SCAPER: variants seen among roughly 807,000 people sequenced by gnomAD.
SCAPER encodes S-phase cyclin A associated protein in the ER, also known as S phase cyclin A-associated protein in the endoplasmic reticulum.
A neutral mutation model predicts 182.2 loss-of-function variants in SCAPER; 98 were observed. That is an observed-to-expected ratio of 0.54 (90% CI 0.46 to 0.64). SCAPER has a LOEUF of 0.64. Ranked by LOEUF, SCAPER falls within the 30% of genes least tolerant of loss-of-function variation. The pLI, the probability that SCAPER is intolerant of heterozygous loss-of-function variation, is 0.00. For synonymous variants in SCAPER, 605 were observed against 564.6 expected (o/e 1.07, Z -1.01); for missense variants, 1,432 against 1,690.0 (o/e 0.85, Z 2.68).
At chr15:76,666,768 T>A (rs1331662143) in intron 20 of SCAPER, among the ~76,000 whole-genome samples, 2 of 152,176 alleles carry the variant, frequency 1.3e-5, no homozygotes, top group African/African-American at 4.8e-5. Context: ...TTTATTTGAT[T>A]AAGGAAAACA....
intron 21 of SCAPER, among the ~76,000 whole-genome samples, chr15:76,626,150 C>T (rs1175956447): frequency 1.3e-5 from 2 of 152,006 alleles, no homozygotes; most frequent in East Asian, 1.9e-4. Flanking sequence ...CGGTTGAATG[C>T]CAATATTCTT....
In SCAPER at chr15:76,381,522, G is replaced by C. The variant is rs376951870; in HGVS notation, c.3561C>G (p.Leu1187=). 76 of 1,613,204 alleles carry C rather than the reference G, an allele frequency of 4.7e-5. 1 individual carries two copies. The highest frequency in any genetic ancestry group is 6.4e-5 in the Non-Finnish European group (75 of 1,179,664). The part of the protein sequence containing the change: ...ATDLAGVLHM[L]YCVLFHGTIL... ...TGGTGCCATGGAAGAGGACACAGTA[G>C]AGCATATGAAGAACTCCAGCCAGGT... Residue 1187 remains leucine (L), a synonymous_variant, in exon 28 of 32, where the codon CTC becomes CTG. Coordinates refer to ENST00000563290, the MANE Select transcript of SCAPER (RefSeq NM_020843.4).
chr15:76,733,624 G>T (rs1449024724), intron 15 of SCAPER, among the ~76,000 whole-genome samples: 1 of 151,858 alleles, frequency 6.6e-6, no homozygotes, highest in Admixed American at 6.6e-5. Context: ...CGTGGTGGCA[G>T]GTGCCTGTAA....
intron 4 of SCAPER, among the ~76,000 whole-genome samples, chr15:76,847,012 A>AT (rs2070156168): frequency 6.6e-6 from 1 of 152,140 alleles, no homozygotes; most frequent in South Asian, 2.1e-4. Flanking sequence ...CTATTCAGCC[A>AT]TAAAAAAAAA....
intron 14 of SCAPER, among the ~76,000 whole-genome samples, chr15:76,754,906 T>TA (rs2062321613): frequency 1.3e-5 from 2 of 152,158 alleles, no homozygotes; most frequent in Admixed American, 1.3e-4. Context: ...GTGTACATCA[T>TA]AGAGTTATTG....
At chr15:76,535,044 G>A (rs1470455961) in intron 23 of SCAPER, among the ~76,000 whole-genome samples, 1 of 152,086 alleles carries the variant, frequency 6.6e-6, no homozygotes, top group Non-Finnish European at 1.5e-5. Context: ...CAAAACAAAT[G>A]TATACCTTAA....
chr15:76,413,813 A>C (rs950333289), intron 26 of SCAPER, among the ~76,000 whole-genome samples: 1 of 152,160 alleles, frequency 6.6e-6, no homozygotes, highest in Non-Finnish European at 1.5e-5. Flanking sequence ...ACCTGGGGGT[A>C]AGAAAAACTG....
chr15:76,682,271 C>CA (rs561953963), intron 20 of SCAPER, among the ~76,000 whole-genome samples: 2 of 142,810 alleles, frequency 1.4e-5, no homozygotes, highest in African/African-American at 5.1e-5. Context: ...CCTTCCCCCC[C>CA]CCACCCCACA....
intron 5 of SCAPER, among the ~76,000 whole-genome samples, chr15:76,828,648 G>T (rs912997275): frequency 6.6e-6 from 1 of 152,096 alleles, no homozygotes; most frequent in Non-Finnish European, 1.5e-5. Flanking sequence ...AAACACAACA[G>T]GGAATATGCA....
chr15:76,349,438 T>C (rs898102154), intron 31 of SCAPER: 1 of 149,310 alleles, frequency 6.7e-6, no homozygotes, highest in African/African-American at 2.5e-5. Flanking sequence ...GCCAGTGACA[T>C]AGGTAAAGTA....
chr15:76,643,702 A>C (rs1485032810), intron 21 of SCAPER, among the ~76,000 whole-genome samples: 1 of 152,152 alleles, frequency 6.6e-6, no homozygotes, highest in Non-Finnish European at 1.5e-5. Flanking sequence ...ACAAACAAAA[A>C]GTCATTCTTT....
rs144886614 is a variant in SCAPER at position 76,747,903 on chromosome 15, T to C, written c.1866+5905A>G. ...TTACCCAGCCTCAAGTATTCCTTTA[T>C]AGCAACACAAATGGGCTGAAACAGA... On this transcript the variant is annotated intron_variant, in intron 15 of 31. Transcript: ENST00000563290. Among the ~76,000 whole-genome samples the C allele has an allele frequency of 3.5e-3, 527 of 152,174 alleles. 3 individuals carry two copies. The highest frequency in any genetic ancestry group is 0.012 in the African/African-American group (509 of 41,502).
intron 18 of SCAPER, among the ~76,000 whole-genome samples, chr15:76,705,531 TA>T: frequency 6.7e-6 from 1 of 150,222 alleles, no homozygotes; most frequent in South Asian, 2.1e-4. Context: ...ACATGTACCC[TA>T]AAACTTAAAG....
chr15:76,692,188 T>C (rs2058398323), intron 20 of SCAPER, among the ~76,000 whole-genome samples: 3 of 152,204 alleles, frequency 2.0e-5, no homozygotes, highest in Admixed American at 2.0e-4. Flanking sequence ...AAATGTTCCT[T>C]ATACCTTAAG....
At chr15:76,441,966 A>G (rs933380439) in intron 25 of SCAPER, among the ~76,000 whole-genome samples, 6 of 152,152 alleles carry the variant, frequency 3.9e-5, no homozygotes, top group African/African-American at 1.4e-4. Flanking sequence ...TTCACTAAAA[A>G]AAATTCACCA....
chr15:76,406,637 C>T lies in SCAPER; in HGVS notation c.3312-1958G>A, dbSNP rs865933088. ...GTCTACACACACACACACACACACACACACACACACACTAGCAAACAAAAT... is the reference window on the plus strand; with the variant it reads ...GTCTACACACACACACACACACACATACACACACACACTAGCAAACAAAAT... On this transcript the variant is annotated intron_variant, in intron 26 of 31. Coordinates refer to ENST00000563290, the MANE Select transcript of SCAPER (RefSeq NM_020843.4). Among the ~76,000 whole-genome samples, 141 of 152,074 alleles carry T rather than the reference C, an allele frequency of 9.3e-4. 2 individuals carry two copies. Among genetic ancestry groups the T allele is most frequent in the African/African-American group, 3.3e-3 (138 of 41,498 alleles).
intron 24 of SCAPER, among the ~76,000 whole-genome samples, chr15:76,494,496 A>G (rs1485962181): frequency 1.3e-5 from 2 of 152,186 alleles, no homozygotes; most frequent in Non-Finnish European, 2.9e-5. Flanking sequence ...CGACTAAACA[A>G]TATTTCAGTC....
chr15:76,816,349 CCTAT>C lies in SCAPER; in HGVS notation c.394-11720_394-11717del, dbSNP rs1229851698. On this transcript the variant is annotated intron_variant, in intron 5 of 31. Transcript: ENST00000563290. ...TATAACCTCATTCTATAAGCTTTTT[CCTAT>C]CTAACATTTTTTTTCCTTTTTAACT... Among the ~76,000 whole-genome samples, 11 of 152,206 alleles carry C rather than the reference CCTAT, an allele frequency of 7.2e-5. No individual in the cohort carries two copies. The South Asian group carries it at 1.0e-3, about 14-fold the overall frequency.
intron 8 of SCAPER, among the ~76,000 whole-genome samples, chr15:76,791,936 T>G (rs967246172): frequency 4.0e-5 from 6 of 148,870 alleles, no homozygotes; most frequent in South Asian, 2.2e-4. Context: ...AAATGATTGG[T>G]TTTTTTTTGT....
Sources: gnomAD v4.1 joint callset for allele counts (sites outside exome capture counted in the v4.1 genomes callset) on GRCh38, gnomAD v4.1.1 for gene constraint, MANE v1.5 for transcripts, NCBI Gene and HGNC (gene_info 2026-07-23, HGNC 2026-07-21) for gene names.